Variants in CCDC178 observed in about 807,000 individuals in gnomAD.
CCDC178 encodes coiled-coil domain-containing protein 178.
A neutral mutation model predicts 117.4 loss-of-function variants in CCDC178; 126 were observed. The observed-to-expected ratio is 1.07, with a 90% CI of 0.93 to 1.24. The LOEUF is 1.24. Ranked by LOEUF, CCDC178 falls within the 50% of genes most tolerant of loss-of-function variation. The pLI is 0.00. For synonymous variants in CCDC178, 283 were observed against 313.4 expected (o/e 0.90, Z 1.02); for missense variants, 1,030 against 986.9 (o/e 1.04, Z -0.59).
At chr18:32,995,676 A>G (rs527928730) in intron 21 of CCDC178, among the ~76,000 whole-genome samples, 1 of 152,242 alleles carries the variant, frequency 6.6e-6, no homozygotes, top group South Asian at 2.1e-4. Context: ...GAAAACCAAA[A>G]AACATAAACT....
chr18:33,279,722 C>A (rs898750063), intron 12 of CCDC178, among the ~76,000 whole-genome samples: 7 of 152,124 alleles, frequency 4.6e-5, no homozygotes, highest in Admixed American at 3.9e-4. Context: ...CTACAGTAAC[C>A]AAAACAGCAT....
intron 22 of CCDC178, among the ~76,000 whole-genome samples, chr18:32,940,496 ATTATTTT>A (rs2054212843): frequency 6.6e-6 from 1 of 151,830 alleles, no homozygotes; most frequent in Non-Finnish European, 1.5e-5. Flanking sequence ...AATTATTATT[ATTATTTT>A]TTAACTTTAT....
In CCDC178 at chr18:33,354,054, G is replaced by A. The variant is rs536720207; in HGVS notation, c.371+2270C>T. 5.9e-4 allele frequency among the ~76,000 whole-genome samples: 90 copies of A among 152,046 alleles called. 1 individual carries two copies. The highest frequency in any genetic ancestry group is 1.5e-3 in the African/African-American group (62 of 41,480). ...TTTTGAGGATACTCTTGCTAGATTCGGAATTCTTCATTGACAGTTTCTTTT... is the reference window on the plus strand; with the variant it reads ...TTTTGAGGATACTCTTGCTAGATTCAGAATTCTTCATTGACAGTTTCTTTT... On this transcript the variant is annotated intron_variant, in intron 7 of 22. Coordinates refer to ENST00000383096, the MANE Select transcript of CCDC178 (RefSeq NM_001105528.4).
intron 21 of CCDC178, among the ~76,000 whole-genome samples, chr18:33,027,084 C>G (rs2056244695): frequency 5.9e-5 from 9 of 151,716 alleles, no homozygotes; most frequent in Admixed American, 5.9e-4. Flanking sequence ...AAAACTTATA[C>G]AAAACGCAGA....
rs764717612 is a variant in CCDC178, at chr18:33,293,119, CA to C, written c.1176+39del. On this transcript the variant is annotated intron_variant, in intron 12 of 22. Transcript: ENST00000383096. ...AAAGTTTACTATTTATAACTCAAAA[CA>C]AAAATCAGTATTTTTTATTTCTAAT... 4 of 1,397,138 alleles carry C rather than the reference CA, an allele frequency of 2.9e-6. No homozygotes were observed. In the African/African-American group the frequency reaches 5.9e-5, roughly 21 times the overall value. The allele number at this position is 1,397,138 out of a possible 1,614,324, so 86.5% of individuals were successfully genotyped here. A position where few individuals can be genotyped will look rare whatever the true frequency, so the allele number is the denominator to read the frequency against.
At position 33,199,589 on chromosome 18, in the gene CCDC178, C is replaced by T. The variant is rs79781399; in HGVS notation, c.2238+12307G>A. On this transcript the variant is annotated intron_variant, in intron 20 of 22. Transcript: ENST00000383096. ...TAACTTGTTGTCATCTGGAATGATG[C>T]CACCTCTGAAGTTTCAAACTCCTAT... Among the ~76,000 whole-genome samples the T allele has an allele frequency of 8.5e-4, 129 of 152,262 alleles. No individual in the cohort carries two copies. In the East Asian group the frequency reaches 0.024, roughly 28 times the overall value.
chr18:33,262,805 T>C lies in CCDC178; in HGVS notation c.1409+4111A>G, dbSNP rs139053884. ...TTAGATCTACTATTTGTAATTGTTA[T>C]TATTTGACTGATTTATCGAGCATAT... On this transcript the variant is annotated intron_variant, in intron 14 of 22. Transcript: ENST00000383096. 1.7e-3 allele frequency among the ~76,000 whole-genome samples: 263 copies of C among 152,316 alleles called. 2 individuals are homozygous for C. The highest frequency in any genetic ancestry group is 5.4e-3 in the African/African-American group (224 of 41,568).
At chr18:33,409,642 AC>A (rs1194357094) in intron 3 of CCDC178, among the ~76,000 whole-genome samples, 1 of 152,202 alleles carries the variant, frequency 6.6e-6, no homozygotes, top group Non-Finnish European at 1.5e-5. Context: ...TGGCATAAAC[AC>A]ACAGGACTGA....
chr18:33,308,609 AATG>A (rs1358503474), intron 11 of CCDC178, among the ~76,000 whole-genome samples: 1 of 152,112 alleles, frequency 6.6e-6, no homozygotes, highest in South Asian at 2.1e-4. Flanking sequence ...CCAGGGGTGG[AATG>A]ATATGTTTTG....
chr18:33,300,526 G>A (rs534534296), intron 11 of CCDC178, among the ~76,000 whole-genome samples: 141 of 152,268 alleles, frequency 9.3e-4, no homozygotes, highest in African/African-American at 3.3e-3. Flanking sequence ...AAATGGTTGT[G>A]ACCAAAATAC....
intron 2 of CCDC178, 83 bp from the exon 3 acceptor site, chr18:33,412,193 C>T (rs534209876): frequency 1.3e-4 from 70 of 528,864 alleles, no homozygotes; most frequent in African/African-American, 1.3e-3. Flanking sequence ...AATTCAAGAA[C>T]TGATAGTGTA....
intron 15 of CCDC178, among the ~76,000 whole-genome samples, chr18:33,239,673 C>T (rs1407299259): frequency 6.6e-6 from 1 of 151,710 alleles, no homozygotes; most frequent in Non-Finnish European, 1.5e-5. Context: ...CACATACACT[C>T]ACATATATAC....
intron 20 of CCDC178, among the ~76,000 whole-genome samples, chr18:33,113,760 T>C (rs896861165): frequency 2.0e-5 from 3 of 152,048 alleles, no homozygotes; most frequent in African/African-American, 2.4e-5. Flanking sequence ...TGAGAGGCTA[T>C]TGGACTGCAT....
intron 2 of CCDC178, among the ~76,000 whole-genome samples, chr18:33,434,025 G>A (rs562777508): frequency 6.6e-6 from 1 of 152,138 alleles, no homozygotes; most frequent in East Asian, 1.9e-4. Context: ...CTAGAAATTT[G>A]TTAATATTCA....
chr18:33,349,729 T>C (rs1301444070), intron 7 of CCDC178, among the ~76,000 whole-genome samples: 1 of 151,894 alleles, frequency 6.6e-6, no homozygotes, highest in Non-Finnish European at 1.5e-5. Flanking sequence ...TTCATTACAT[T>C]ATTTTTTATT....
intron 20 of CCDC178, among the ~76,000 whole-genome samples, chr18:33,152,522 G>A (rs2058352647): frequency 6.6e-6 from 1 of 151,906 alleles, no homozygotes; most frequent in Middle Eastern, 3.2e-3. Context: ...AAGGAGCCAA[G>A]GCTAGACTCC....
chr18:33,307,895 C>T (rs2062279708), intron 11 of CCDC178, among the ~76,000 whole-genome samples: 1 of 152,202 alleles, frequency 6.6e-6, no homozygotes, highest in African/African-American at 2.4e-5. Flanking sequence ...GGTTTGGGAA[C>T]CTTTGTCTAG....
chr18:33,280,054 T>C (rs981247304), intron 12 of CCDC178, among the ~76,000 whole-genome samples: 1 of 150,138 alleles, frequency 6.7e-6, no homozygotes, highest in African/African-American at 2.5e-5. Flanking sequence ...AAGGACTTCA[T>C]GTCTAAAACA....
intron 11 of CCDC178, among the ~76,000 whole-genome samples, chr18:33,312,999 G>A (rs1463646397): frequency 1.3e-5 from 2 of 152,170 alleles, no homozygotes; most frequent in Non-Finnish European, 2.9e-5. Flanking sequence ...TATGCAAGAG[G>A]AACAGAGGAG....
Sources: gnomAD v4.1 joint callset for allele counts (sites outside exome capture counted in the v4.1 genomes callset) on GRCh38, gnomAD v4.1.1 for gene constraint, MANE v1.5 for transcripts, NCBI Gene and HGNC (gene_info 2026-07-23, HGNC 2026-07-21) for gene names.